The following GPC5 variants were observed in gnomAD, a reference collection of about 807,000 sequenced individuals.
GPC5 encodes the protein glypican-5.
In GPC5, 47 loss-of-function variants were observed where a neutral mutation model predicts 53.9. The observed-to-expected ratio is 0.87, with a 90% confidence interval of 0.69 to 1.11. GPC5 has a LOEUF of 1.11. Among genes scored for constraint, GPC5 ranks in the 50% most tolerant of loss-of-function variants. The pLI, the probability that GPC5 is intolerant of heterozygous loss-of-function variation, is 0.00. For synonymous variants in GPC5, 286 were observed against 263.3 expected, an observed-to-expected ratio of 1.09 and a Z score of -0.84; for missense variants, 748 against 713.1, an observed-to-expected ratio of 1.05 and a Z score of -0.56.
intron 7 of GPC5, among the ~76,000 whole-genome samples, chr13:92,269,736 C>T (rs1409200926): frequency 6.6e-6 from 1 of 152,158 alleles, no homozygotes; most frequent in Admixed American, 6.5e-5. Flanking sequence ...AATCCTAACC[C>T]CATTACAGCC....
At chr13:92,018,820 C>T (rs1269384854) in intron 6 of GPC5, among the ~76,000 whole-genome samples, 2 of 151,910 alleles carry the variant, frequency 1.3e-5, no homozygotes, top group Non-Finnish European at 2.9e-5. Flanking sequence ...TATAAAAGTA[C>T]ATTTCTATAA....
At chr13:92,109,105 C>T (rs1304537433) in intron 6 of GPC5, among the ~76,000 whole-genome samples, 1 of 116,976 alleles carries the variant, frequency 8.5e-6, no homozygotes, top group African/African-American at 3.2e-5. Context: ...CTTAGTGTGT[C>T]ACCCAGGCTG....
chr13:92,333,925 T>C (rs114252244), intron 7 of GPC5, among the ~76,000 whole-genome samples: 2,276 of 152,028 alleles, frequency 0.015, 60 homozygotes, highest in African/African-American at 0.052. Context: ...TAAACAGAGA[T>C]AGAAATCCTA....
intron 4 of GPC5, among the ~76,000 whole-genome samples, chr13:91,748,140 CTCTT>C (rs775423899): frequency 6.6e-6 from 1 of 152,188 alleles, no homozygotes; most frequent in Non-Finnish European, 1.5e-5. Flanking sequence ...ATCTCTAAGG[CTCTT>C]TCTATCTCTG....
intron 7 of GPC5, among the ~76,000 whole-genome samples, chr13:92,247,218 C>T (rs897005824): frequency 6.6e-6 from 1 of 152,096 alleles, no homozygotes; most frequent in African/African-American, 2.4e-5. Context: ...TACCTTTCAG[C>T]TTACAAAACA....
intron 2 of GPC5, among the ~76,000 whole-genome samples, chr13:91,687,018 C>T (rs1383803707): frequency 1.3e-5 from 2 of 151,626 alleles, no homozygotes; most frequent in Admixed American, 6.6e-5. Flanking sequence ...ATATCTGTGG[C>T]CTCAAATTGT....
At chr13:92,547,351 T>C (rs1012857058) in intron 7 of GPC5, among the ~76,000 whole-genome samples, 1 of 152,226 alleles carries the variant, frequency 6.6e-6, no homozygotes, top group Non-Finnish European at 1.5e-5. Context: ...AGACTTTATC[T>C]GTGAATAACA....
intron 7 of GPC5, among the ~76,000 whole-genome samples, chr13:92,846,146 CTCTT>C (rs1426314422): frequency 1.3e-5 from 2 of 152,178 alleles, no homozygotes; most frequent in African/African-American, 4.8e-5. Context: ...AAGCAAAAGC[CTCTT>C]TCTTCACGTG....
chr13:92,157,240 T>C (rs2041951400), intron 7 of GPC5, among the ~76,000 whole-genome samples: 1 of 152,112 alleles, frequency 6.6e-6, no homozygotes, highest in Non-Finnish European at 1.5e-5. Flanking sequence ...TGGAATGAAA[T>C]AGGCAAGGAA....
intron 6 of GPC5, among the ~76,000 whole-genome samples, chr13:92,065,255 A>G (rs2041159024): frequency 6.6e-6 from 1 of 152,298 alleles, no homozygotes; most frequent in African/African-American, 2.4e-5. Context: ...CAGAAAATAA[A>G]TGAGACTACA....
intron 5 of GPC5, among the ~76,000 whole-genome samples, chr13:91,886,835 G>A (rs183767656): frequency 6.6e-6 from 1 of 152,216 alleles, no homozygotes; most frequent in African/African-American, 2.4e-5. Flanking sequence ...CCCCCTGTGG[G>A]TTTGCAGGGT....
chr13:91,466,147 T>C (rs1338216359), intron 2 of GPC5, among the ~76,000 whole-genome samples: 4 of 152,096 alleles, frequency 2.6e-5, no homozygotes, highest in Admixed American at 2.6e-4. Context: ...AAACATCCCA[T>C]AGAGTACCTG....
chr13:92,863,051 C>T (rs943188421), intron 7 of GPC5, among the ~76,000 whole-genome samples: 3 of 152,176 alleles, frequency 2.0e-5, no homozygotes, highest in African/African-American at 7.2e-5. Context: ...CTTCCAGTTA[C>T]TTGATTAATA....
chr13:91,463,039 A>G (rs188123613), intron 2 of GPC5, among the ~76,000 whole-genome samples: 164 of 152,236 alleles, frequency 1.1e-3, no homozygotes, highest in Non-Finnish European at 1.8e-3. Flanking sequence ...TACTGGTTAT[A>G]TACAGTCACC....
intron 3 of GPC5, among the ~76,000 whole-genome samples, chr13:91,721,990 T>C (rs904623499): frequency 2.0e-4 from 31 of 152,216 alleles, no homozygotes; most frequent in African/African-American, 7.0e-4. Context: ...AGAAGGTTCC[T>C]TGCTCTATTC....
chr13:92,000,836 TA>T (rs2040547542), intron 6 of GPC5, among the ~76,000 whole-genome samples: 3 of 152,136 alleles, frequency 2.0e-5, no homozygotes, highest in Admixed American at 1.3e-4. Context: ...TATAGAACAC[TA>T]TATGTAAGGC....
chr13:92,418,111 A>G (rs1175784357), intron 7 of GPC5, among the ~76,000 whole-genome samples: 1 of 152,186 alleles, frequency 6.6e-6, no homozygotes, highest in East Asian at 1.9e-4. Flanking sequence ...TTTATAGAGA[A>G]AGAAAATAGA....
At chr13:91,506,467 T>C (rs1884950236) in intron 2 of GPC5, among the ~76,000 whole-genome samples, 1 of 152,128 alleles carries the variant, frequency 6.6e-6, no homozygotes, top group East Asian at 1.9e-4. Context: ...CTTGATTGTC[T>C]CTTACTCATC....
chr13:91,624,717 G>A (rs138318111), intron 2 of GPC5, among the ~76,000 whole-genome samples: 6 of 151,954 alleles, frequency 3.9e-5, no homozygotes, highest in Admixed American at 3.9e-4. Context: ...TAATAAATGA[G>A]GAGACCTAAC....
Sources: gnomAD v4.1 joint callset for allele counts (sites outside exome capture counted in the v4.1 genomes callset) on GRCh38, gnomAD v4.1.1 for gene constraint, MANE v1.5 for transcripts, NCBI Gene and HGNC (gene_info 2026-07-23, HGNC 2026-07-21) for gene names.